CYFIP2: variants seen among roughly 807,000 people sequenced by gnomAD.
CYFIP2 encodes the protein cytoplasmic FMR1-interacting protein 2.
CYFIP2 carries 29 observed loss-of-function variants against 158.7 expected under a neutral mutation model. That is an observed-to-expected ratio of 0.18 (90% CI 0.14 to 0.25). CYFIP2 has a LOEUF of 0.25. CYFIP2 is among the 10% of genes least tolerant of loss of function. CYFIP2 has a pLI of 1.00. For missense variants in CYFIP2, 852 were observed against 1,639.5 expected (o/e 0.52, Z 8.29); for synonymous variants, 585 against 617.6 (o/e 0.95, Z 0.78).
At position 157,311,167 on chromosome 5, in the gene CYFIP2, T is replaced by C; in HGVS notation, c.993-497T>C. ...GTGGCCCTGGCTTCTCCCACCACAG[T>C]GTGCTTCCATGTTGCCAGGGCACTG... is the stretch of plus-strand genomic sequence containing the variant. On this transcript the variant is annotated intron_variant, in intron 10 of 30. Transcript: ENST00000620254. The surrounding 1 kb of genome is among the most constrained non-coding windows in gnomAD (Gnocchi z 4.7). The C allele has an allele frequency of 2.2e-6, 1 of 444,600 alleles. No individual in the cohort carries two copies. The highest frequency in any genetic ancestry group is 2.4e-5 in the Admixed American group (1 of 40,912). The allele number at this position is 444,600 out of a possible 1,614,324, so 27.5% of individuals were successfully genotyped here. A position where few individuals can be genotyped will look rare whatever the true frequency, so the allele number is the denominator to read the frequency against.
At chr5:157,379,288 G>A (rs1212154946) in intron 26 of CYFIP2, among the ~76,000 whole-genome samples, 1 of 151,668 alleles carries the variant, frequency 6.6e-6, no homozygotes, top group Non-Finnish European at 1.5e-5. Flanking sequence ...GCTGCTTTTG[G>A]TAACAGGATT....
chr5:157,279,433 G>C (rs903026014), intron 1 of CYFIP2, among the ~76,000 whole-genome samples: 3 of 152,196 alleles, frequency 2.0e-5, no homozygotes, highest in African/African-American at 7.2e-5. Flanking sequence ...AGAGAAACAG[G>C]GTTTAAGCTG....
intron 23 of CYFIP2, among the ~76,000 whole-genome samples, chr5:157,352,245 C>G (rs1208596706): frequency 6.6e-6 from 1 of 152,208 alleles, no homozygotes; most frequent in African/African-American, 2.4e-5. Context: ...AAGCCCCCAT[C>G]TGAGGCACAG....
intron 22 of CYFIP2, 48 bp from the exon 23 acceptor site, chr5:157,341,019 GAAT>G: frequency 1.3e-6 from 2 of 1,541,198 alleles, no homozygotes; most frequent in African/African-American, 1.4e-5. Context: ...GTCCCATGGA[GAAT>G]AATATTAGGA....
Position 157,389,205 on chromosome 5 carries a change from G to A in CYFIP2, c.3224G>A (p.Arg1075His). 5 of 1,611,804 alleles carry A rather than the reference G, an allele frequency of 3.1e-6. No homozygotes were observed. Among genetic ancestry groups the A allele is most frequent in the East Asian group, 2.2e-5 (1 of 44,836 alleles). The change falls in exon 29 of 31, where the codon CGC becomes CAC. Residue 1075 changes from arginine to histidine, a missense_variant. This residue lies in a region of CYFIP2 where 223 missense variants were observed against 381.6 expected (regional missense o/e 0.58). Transcript: ENST00000620254. ...TGTTTCCAGCAAATCGCCATTGCTC[G>A]CGAGGGTGACCTCCTGACCAAGGAG... is the stretch of plus-strand genomic sequence containing the variant. ...LGTPQQIAIA[R>H]EGDLLTKERL...
At chr5:157,282,233 A>G (rs1463228837) in intron 1 of CYFIP2, among the ~76,000 whole-genome samples, 1 of 152,210 alleles carries the variant, frequency 6.6e-6, no homozygotes, top group Admixed American at 6.5e-5. Flanking sequence ...AAAGCTTTCA[A>G]TCATGGCAGA....
chr5:157,378,674 C>T (rs958929232), intron 26 of CYFIP2, among the ~76,000 whole-genome samples: 2 of 152,174 alleles, frequency 1.3e-5, no homozygotes, highest in African/African-American at 4.8e-5. Context: ...CACCTTACTA[C>T]CAGCCTTGAT....
intron 1 of CYFIP2, among the ~76,000 whole-genome samples, chr5:157,270,221 G>A (rs1373476753): frequency 6.6e-6 from 1 of 152,168 alleles, no homozygotes; most frequent in African/African-American, 2.4e-5. Flanking sequence ...GGTCATTGTA[G>A]AGCAATGGTT....
chr5:157,385,122 T>C (rs1280177256), intron 28 of CYFIP2, among the ~76,000 whole-genome samples: 1 of 152,182 alleles, frequency 6.6e-6, no homozygotes, highest in Non-Finnish European at 1.5e-5. Context: ...CATGTGAATG[T>C]GTCTGCTCCA....
chr5:157,296,381 C>T (rs968860246), intron 4 of CYFIP2: 2 of 395,662 alleles, frequency 5.1e-6, no homozygotes, highest in Non-Finnish European at 1.0e-5. Context: ...ATTGCTTGAG[C>T]CCAGGAGTTC....
At chr5:157,286,784 T>A (rs1214298592) in intron 2 of CYFIP2, among the ~76,000 whole-genome samples, 2 of 152,152 alleles carry the variant, frequency 1.3e-5, no homozygotes, top group African/African-American at 4.8e-5. Flanking sequence ...GAAGCTCAGA[T>A]GAGTGAACCT....
chr5:157,308,094 C>T (rs193069933), intron 9 of CYFIP2, among the ~76,000 whole-genome samples: 12 of 151,736 alleles, frequency 7.9e-5, no homozygotes, highest in South Asian at 6.3e-4. Flanking sequence ...AGCCACACAT[C>T]GTTCCAAGTT....
chr5:157,324,326 C>T (rs890407536), intron 16 of CYFIP2, among the ~76,000 whole-genome samples: 2 of 152,166 alleles, frequency 1.3e-5, no homozygotes, highest in Admixed American at 1.3e-4. Flanking sequence ...TCATAAAGTC[C>T]TTAGTAGAGC....
intron 1 of CYFIP2, among the ~76,000 whole-genome samples, chr5:157,269,785 G>A (rs563117225): frequency 6.6e-6 from 1 of 152,352 alleles, no homozygotes; most frequent in South Asian, 2.1e-4. Context: ...GGCACTTTGT[G>A]ATTCACAGAT....
intron 15 of CYFIP2, among the ~76,000 whole-genome samples, chr5:157,322,599 G>A (rs1360890854): frequency 6.6e-6 from 1 of 152,216 alleles, no homozygotes; most frequent in African/African-American, 2.4e-5. Context: ...CAGGGCTGCA[G>A]ATGGGGGACT....
intron 1 of CYFIP2, among the ~76,000 whole-genome samples, chr5:157,284,530 T>C (rs1757226212): frequency 6.6e-6 from 1 of 152,246 alleles, no homozygotes; most frequent in African/African-American, 2.4e-5. Context: ...TTTTAAGCAG[T>C]GTTTCACATA....
At chr5:157,326,847 A>T (rs1234503861) in intron 18 of CYFIP2, among the ~76,000 whole-genome samples, 1 of 152,180 alleles carries the variant, frequency 6.6e-6, no homozygotes, top group Non-Finnish European at 1.5e-5. Flanking sequence ...GAAAGCACTA[A>T]ACACAGCGCT....
At chr5:157,366,678 C>A (rs1327902020) in intron 26 of CYFIP2, among the ~76,000 whole-genome samples, 3 of 152,120 alleles carry the variant, frequency 2.0e-5, no homozygotes, top group African/African-American at 4.8e-5. Context: ...GTCATCGCAG[C>A]CTCTTAATAT....
chr5:157,296,856 C>A, intron 5 of CYFIP2, 82 bp downstream of exon 5: 1 of 1,126,074 alleles, frequency 8.9e-7, no homozygotes, highest in East Asian at 2.4e-5. Flanking sequence ...CAGTTTTGTG[C>A]CATGTTATTT....
Sources: gnomAD v4.1 joint callset for allele counts (sites outside exome capture counted in the v4.1 genomes callset) on GRCh38, gnomAD v4.1.1 for gene constraint, gnomAD v4.1.1 regional missense constraint, Gnocchi (gnomAD v3.1) non-coding constraint, MANE v1.5 for transcripts, NCBI Gene and HGNC (gene_info 2026-07-23, HGNC 2026-07-21) for gene names.